Variants in DNAH11 observed in about 807,000 individuals in gnomAD.
DNAH11 encodes the protein dynein axonemal heavy chain 11, also known as axonemal beta dynein heavy chain 11.
DNAH11 carries 442 observed loss-of-function variants against 526.0 expected under a neutral mutation model. The ratio of observed to expected loss-of-function variants is 0.84; its 90% CI spans 0.78 to 0.91. DNAH11 has a LOEUF of 0.91. Among genes scored for constraint, DNAH11 ranks in the 40% least tolerant of loss-of-function variants. DNAH11 has a pLI of 0.00. For missense variants in DNAH11, 6,989 were observed against 5,448.7 expected (o/e 1.28, Z -8.90); for synonymous variants, 2,461 against 1,935.9 (o/e 1.27, Z -7.12).
At chr7:21,852,441 C>T in intron 66 of DNAH11, 26 bp from the exon 67 acceptor site, 1 of 1,569,986 alleles carries the variant, frequency 6.4e-7, no homozygotes, top group East Asian at 2.3e-5. Context: ...ACCACCATTT[C>T]CCACACTTTT....
At chr7:21,824,138 T>C (rs904493820) in intron 65 of DNAH11, among the ~76,000 whole-genome samples, 8 of 152,214 alleles carry the variant, frequency 5.3e-5, no homozygotes, top group African/African-American at 1.9e-4. Flanking sequence ...AAAAATGTCC[T>C]ATACTAGTTG....
At chr7:21,616,119 T>G in intron 21 of DNAH11, 90 bp from the exon 22 acceptor site, 1 of 948,746 alleles carries the variant, frequency 1.1e-6, no homozygotes, top group African/African-American at 1.6e-5. Context: ...GATGATAGAG[T>G]TACAGTGTAT....
chr7:21,658,631 C>T (rs530530267), intron 29 of DNAH11, among the ~76,000 whole-genome samples, 167 bp from the exon 30 acceptor site: 2 of 152,208 alleles, frequency 1.3e-5, no homozygotes, highest in East Asian at 1.9e-4. Context: ...TTCACCAATC[C>T]GTTGTTCACT....
intron 25 of DNAH11, among the ~76,000 whole-genome samples, chr7:21,631,219 C>A (rs150189640): frequency 6.6e-6 from 1 of 152,138 alleles, no homozygotes; most frequent in African/African-American, 2.4e-5. Flanking sequence ...GACCTGCCTC[C>A]GTGATTCAGT....
At chr7:21,768,506 G>C (rs1037089784) in intron 55 of DNAH11, among the ~76,000 whole-genome samples, 3 of 152,178 alleles carry the variant, frequency 2.0e-5, no homozygotes, top group African/African-American at 7.2e-5. Context: ...GTGTAGAGTA[G>C]ATCTGAGCAA....
rs1346523351 is a variant in DNAH11, at chr7:21,744,912, T to A, written c.8359T>A (p.Cys2787Ser). 1 of 1,611,282 alleles carries A rather than the reference T, an allele frequency of 6.2e-7. No homozygotes were observed. The highest frequency in any genetic ancestry group is 8.5e-7 in the Non-Finnish European group (1 of 1,178,734). ...HMLLQQPLIY[C>S]HFADRGKDPH... The stretch of plus-strand genomic sequence containing the variant: ...GCTGCTTCAACAGCCCCTCATTTAT[T>A]GCCACTTTGCTGATAGAGGGAAGGA... Residue 2787 changes from cysteine (C) to serine (S), a missense_variant, in exon 51 of 82, where the codon TGC (cysteine) becomes AGC (serine). By Grantham distance (112) the Cys-to-Ser change is moderately radical. Transcript: ENST00000409508.
chr7:21,864,055 G>T (rs1398924896), intron 69 of DNAH11, among the ~76,000 whole-genome samples: 2 of 152,074 alleles, frequency 1.3e-5, no homozygotes, highest in Non-Finnish European at 2.9e-5. Flanking sequence ...CCTATAAAAG[G>T]TTTTCTCATT....
chr7:21,622,626 A>G (rs1479819533), intron 25 of DNAH11, among the ~76,000 whole-genome samples: 2 of 152,180 alleles, frequency 1.3e-5, no homozygotes, highest in East Asian at 3.8e-4. Context: ...ACAGATATAG[A>G]TCAATGGAAC....
chr7:21,729,820 A>G (rs374053850), intron 45 of DNAH11, among the ~76,000 whole-genome samples: 4 of 152,164 alleles, frequency 2.6e-5, no homozygotes, highest in Non-Finnish European at 5.9e-5. Flanking sequence ...CCTTAAAACT[A>G]TTCTATCCTT....
At chr7:21,768,792 A>G (rs17145334) in intron 55 of DNAH11, among the ~76,000 whole-genome samples, 4,868 of 152,256 alleles carry the variant, frequency 0.032, 248 homozygotes, top group African/African-American at 0.11. Context: ...TGTTTCCCCA[A>G]TGGTCTGTAA....
intron 75 of DNAH11, 103 bp downstream of exon 75, chr7:21,880,996 T>G (rs1324950317): frequency 9.7e-7 from 1 of 1,028,828 alleles, no homozygotes; most frequent in Non-Finnish European, 1.4e-6. Context: ...AAGCTATTAT[T>G]GAAATAGCTG....
At chr7:21,866,170 G>T (rs1043830159) in intron 70 of DNAH11, among the ~76,000 whole-genome samples, 1 of 152,068 alleles carries the variant, frequency 6.6e-6, no homozygotes, top group Non-Finnish European at 1.5e-5. Context: ...GAGTTGCTGT[G>T]GTTCAAACGC....
intron 14 of DNAH11, among the ~76,000 whole-genome samples, chr7:21,595,555 C>T (rs991264732): frequency 3.9e-5 from 6 of 152,114 alleles, no homozygotes; most frequent in African/African-American, 1.4e-4. Flanking sequence ...TTGTCATGAT[C>T]AACTGGAAAG....
At chr7:21,892,793 G>C (rs1255735813) in intron 77 of DNAH11, 126 bp downstream of exon 77, 1 of 1,115,288 alleles carries the variant, frequency 9.0e-7, no homozygotes, top group Non-Finnish European at 1.2e-6. Flanking sequence ...CCACCACCTA[G>C]ATCAAAATAA....
chr7:21,728,237 CTTTTTTTTTTTTTTTTTTTTTT>C (rs71026816), intron 45 of DNAH11, among the ~76,000 whole-genome samples: 5 of 58,946 alleles, frequency 8.5e-5, no homozygotes, highest in East Asian at 7.3e-4. Context: ...GCCCACAATT[CTTTTTTTTTTTTTTTTTTTTTT>C]TTTTTTTTTT....
intron 51 of DNAH11, 105 bp downstream of exon 51, chr7:21,745,168 C>T (rs1347929342): frequency 8.8e-7 from 1 of 1,131,796 alleles, no homozygotes; most frequent in African/African-American, 1.6e-5. Context: ...ACCATCAGTT[C>T]TTATCTGCTG....
At chr7:21,888,863 T>C (rs1288963321) in intron 76 of DNAH11, among the ~76,000 whole-genome samples, 1 of 152,232 alleles carries the variant, frequency 6.6e-6, no homozygotes, top group Non-Finnish European at 1.5e-5. Flanking sequence ...TTCTATCGAT[T>C]CTTTTTGTTT....
chr7:21,786,474 G>GAGTC (rs2127986816), intron 58 of DNAH11, 150 bp from the exon 59 acceptor site: 2 of 848,120 alleles, frequency 2.4e-6, no homozygotes, highest in East Asian at 5.4e-5. Flanking sequence ...TTCCAAGGTG[G>GAGTC]AGTCCCCAGG....
chr7:21,714,285 G>T (rs1327768663), intron 42 of DNAH11, among the ~76,000 whole-genome samples: 1 of 152,112 alleles, frequency 6.6e-6, no homozygotes, highest in Non-Finnish European at 1.5e-5. Context: ...TTGTTTGTTT[G>T]TTTTATCCAG....
Sources: gnomAD v4.1 joint callset for allele counts (sites outside exome capture counted in the v4.1 genomes callset) on GRCh38, gnomAD v4.1.1 for gene constraint, MANE v1.5 for transcripts, NCBI Gene and HGNC (gene_info 2026-07-23, HGNC 2026-07-21) for gene names.